CSMD1: variants seen among roughly 807,000 people sequenced by gnomAD.
CSMD1 encodes the protein CUB and Sushi multiple domains 1.
CSMD1 carries 213 observed loss-of-function variants against 417.5 expected under a neutral mutation model. The observed-to-expected ratio is 0.51, with a 90% CI of 0.46 to 0.57. CSMD1 has a LOEUF of 0.57. Among genes scored for constraint, CSMD1 ranks in the 20% least tolerant of loss-of-function variants. The pLI is 0.00. For missense variants in CSMD1, 6,923 were observed against 4,529.7 expected, an observed-to-expected ratio of 1.53 and a Z score of -15.17; for synonymous variants, 2,862 against 1,736.8, an observed-to-expected ratio of 1.65 and a Z score of -16.11.
chr8:3,414,881 C>A (rs923601510), intron 12 of CSMD1, among the ~76,000 whole-genome samples: 1 of 152,072 alleles, frequency 6.6e-6, no homozygotes, highest in Non-Finnish European at 1.5e-5. Flanking sequence ...TGCGCTTGCT[C>A]GGGGATGGCC....
chr8:3,407,675 A>C (rs1238912143), intron 14 of CSMD1, among the ~76,000 whole-genome samples: 1 of 152,210 alleles, frequency 6.6e-6, no homozygotes, highest in African/African-American at 2.4e-5. Flanking sequence ...GAGGAGATCC[A>C]GCTTCTTAGT....
chr8:3,481,815 T>G (rs1179088675), intron 11 of CSMD1, among the ~76,000 whole-genome samples: 1 of 152,154 alleles, frequency 6.6e-6, no homozygotes, highest in Non-Finnish European at 1.5e-5. Flanking sequence ...CCCAGGGCCT[T>G]TGGAGTGATT....
At chr8:4,626,130 G>C (rs894170684) in intron 2 of CSMD1, among the ~76,000 whole-genome samples, 6 of 152,246 alleles carry the variant, frequency 3.9e-5, no homozygotes, top group Admixed American at 2.0e-4. Flanking sequence ...GAGAAACAGA[G>C]ACACTATCTC....
intron 54 of CSMD1, among the ~76,000 whole-genome samples, chr8:2,991,930 A>C (rs1450437959): frequency 6.6e-6 from 1 of 152,196 alleles, no homozygotes; most frequent in Non-Finnish European, 1.5e-5. Flanking sequence ...CGAAAACCTG[A>C]CGTTATTTCC....
At chr8:3,646,961 C>G (rs1797606280) in intron 7 of CSMD1, among the ~76,000 whole-genome samples, 1 of 152,216 alleles carries the variant, frequency 6.6e-6, no homozygotes, top group Non-Finnish European at 1.5e-5. Context: ...ATCATCCTCT[C>G]TATAACTATT....
chr8:4,878,610 G>C (rs1282361165), intron 1 of CSMD1, among the ~76,000 whole-genome samples: 1 of 151,804 alleles, frequency 6.6e-6, no homozygotes, highest in African/African-American at 2.4e-5. Flanking sequence ...CCAGTTAGTA[G>C]AGGTGCTGGA....
At chr8:4,734,646 T>A (rs368185134) in intron 1 of CSMD1, among the ~76,000 whole-genome samples, 1 of 152,350 alleles carries the variant, frequency 6.6e-6, no homozygotes, top group East Asian at 1.9e-4. Flanking sequence ...AAATACTTTT[T>A]TTATTTTAAC....
At chr8:3,226,385 C>G (rs560510919) in intron 27 of CSMD1, among the ~76,000 whole-genome samples, 1 of 152,000 alleles carries the variant, frequency 6.6e-6, no homozygotes, top group Non-Finnish European at 1.5e-5. Flanking sequence ...GAGTTCGAGA[C>G]CAGTCTGGCT....
chr8:4,043,443 T>C (rs1207886263), intron 3 of CSMD1, among the ~76,000 whole-genome samples: 2 of 152,116 alleles, frequency 1.3e-5, no homozygotes, highest in Non-Finnish European at 2.9e-5. Flanking sequence ...GTGCACATCA[T>C]GATAATGGAT....
At chr8:2,983,312 G>C (rs940172422) in intron 54 of CSMD1, among the ~76,000 whole-genome samples, 1 of 151,684 alleles carries the variant, frequency 6.6e-6, no homozygotes, top group African/African-American at 2.4e-5. Context: ...TCAGCCTCCC[G>C]AGTAGCTGGT....
intron 2 of CSMD1, among the ~76,000 whole-genome samples, chr8:4,575,077 A>C (rs1263733086): frequency 6.6e-6 from 1 of 152,226 alleles, no homozygotes; most frequent in Admixed American, 6.5e-5. Flanking sequence ...ACTATAAAAT[A>C]GAATCCAGCC....
At chr8:4,238,141 G>C (rs188016763) in intron 3 of CSMD1, among the ~76,000 whole-genome samples, 352 of 152,266 alleles carry the variant, frequency 2.3e-3, no homozygotes, top group Admixed American at 3.7e-3. Flanking sequence ...AAAAATGTCT[G>C]GTAAGTCCAG....
intron 1 of CSMD1, among the ~76,000 whole-genome samples, chr8:4,726,864 A>G (rs1423197049): frequency 6.6e-6 from 1 of 152,232 alleles, no homozygotes; most frequent in African/African-American, 2.4e-5. Flanking sequence ...CTGAAATAGT[A>G]TTGAGTTTCA....
chr8:4,275,145 T>C (rs1172604238), intron 3 of CSMD1, among the ~76,000 whole-genome samples: 1 of 152,088 alleles, frequency 6.6e-6, no homozygotes, highest in Non-Finnish European at 1.5e-5. Flanking sequence ...AATAAAAGAG[T>C]AGCTTTTACG....
intron 10 of CSMD1, among the ~76,000 whole-genome samples, chr8:3,536,360 G>A (rs1052485710): frequency 4.6e-5 from 7 of 152,180 alleles, no homozygotes; most frequent in Admixed American, 3.9e-4. Flanking sequence ...CTTAAGTGAG[G>A]GTGTCAGAAT....
intron 3 of CSMD1, among the ~76,000 whole-genome samples, chr8:4,138,760 T>C (rs528180280): frequency 8.5e-5 from 13 of 152,336 alleles, no homozygotes; most frequent in Non-Finnish European, 1.3e-4. Context: ...CAACTAGTTA[T>C]CTTTAATTAT....
chr8:3,513,316 T>C (rs1020974617), intron 10 of CSMD1, among the ~76,000 whole-genome samples: 5 of 151,940 alleles, frequency 3.3e-5, no homozygotes, highest in African/African-American at 7.2e-5. Context: ...AGGTAAGTCC[T>C]GGCTTTGTCA....
chr8:3,688,257 A>AGTAATTAAATGAATGAAATATTATGAAAT (rs1485950842), intron 7 of CSMD1, among the ~76,000 whole-genome samples: 1 of 152,232 alleles, frequency 6.6e-6, no homozygotes, highest in African/African-American at 2.4e-5. Flanking sequence ...AAAATTACAA[A>AGTAATTAAATGAATGAAATATTATGAAAT]TATTGTCTCT....
At chr8:3,686,934 A>G (rs529408711) in intron 7 of CSMD1, among the ~76,000 whole-genome samples, 1 of 152,164 alleles carries the variant, frequency 6.6e-6, no homozygotes, top group African/African-American at 2.4e-5. Context: ...TGTCTCCCCT[A>G]CACTGGGGGG....
Sources: gnomAD v4.1 joint callset for allele counts (sites outside exome capture counted in the v4.1 genomes callset) on GRCh38, gnomAD v4.1.1 for gene constraint, MANE v1.5 for transcripts, NCBI Gene and HGNC (gene_info 2026-07-23, HGNC 2026-07-21) for gene names.